The following ASTN2 variants were observed in gnomAD, a reference collection of about 807,000 sequenced individuals.
ASTN2 encodes the protein astrotactin-2.
ASTN2 carries 54 observed loss-of-function variants against 139.8 expected under a neutral mutation model. The ratio of observed to expected loss-of-function variants is 0.39; its 90% confidence interval spans 0.31 to 0.48. ASTN2 has a LOEUF of 0.48. ASTN2 is among the 20% of genes least tolerant of loss of function. The probability of loss-of-function intolerance (pLI) is 0.95; values close to 1 mark genes in which losing one functional copy is unlikely to be tolerated. For missense variants in ASTN2, 1,565 were observed against 1,725.1 expected, an observed-to-expected ratio of 0.91 and a Z score of 1.64; for synonymous variants, 756 against 719.5, an observed-to-expected ratio of 1.05 and a Z score of -0.81.
At chr9:117,074,700 AG>A (rs1324957373) in intron 5 of ASTN2, among the ~76,000 whole-genome samples, 1 of 152,226 alleles carries the variant, frequency 6.6e-6, no homozygotes, top group Non-Finnish European at 1.5e-5. Flanking sequence ...CAGGGTGCCA[AG>A]AACTATACTA....
intron 2 of ASTN2, among the ~76,000 whole-genome samples, chr9:117,267,317 A>C (rs1210492649): frequency 1.3e-5 from 2 of 152,170 alleles, no homozygotes; most frequent in African/African-American, 4.8e-5. Context: ...CTAGTACAGT[A>C]AAAGGGCATC....
chr9:117,059,389 G>A (rs925254220), intron 5 of ASTN2, among the ~76,000 whole-genome samples: 3 of 151,858 alleles, frequency 2.0e-5, no homozygotes, highest in South Asian at 2.1e-4. Context: ...CAAGGTGGGC[G>A]AATCACGAGG....
intron 1 of ASTN2, among the ~76,000 whole-genome samples, chr9:117,352,487 G>T (rs1241071613): frequency 1.3e-5 from 2 of 152,122 alleles, no homozygotes; most frequent in Non-Finnish European, 2.9e-5. Context: ...AGACCAGAAA[G>T]AATCCACAAT....
chr9:116,832,682 T>C (rs913598550), intron 11 of ASTN2, among the ~76,000 whole-genome samples: 10 of 152,152 alleles, frequency 6.6e-5, no homozygotes, highest in African/African-American at 2.4e-4. Context: ...TAGGGAACCA[T>C]TCTTGCATCA....
intron 4 of ASTN2, among the ~76,000 whole-genome samples, chr9:117,109,813 A>G (rs1330398842): frequency 1.3e-5 from 2 of 152,170 alleles, no homozygotes; most frequent in Non-Finnish European, 2.9e-5. Flanking sequence ...ACAATTTTGA[A>G]GCCTCAGCCT....
chr9:116,439,313 G>C (rs1033506939), intron 22 of ASTN2, among the ~76,000 whole-genome samples: 48 of 132,150 alleles, frequency 3.6e-4, no homozygotes, highest in Non-Finnish European at 4.4e-4. Context: ...CCATTCTCCT[G>C]CCTCAGCCTC....
At chr9:116,784,551 C>T (rs1428552940) in intron 13 of ASTN2, among the ~76,000 whole-genome samples, 1 of 152,194 alleles carries the variant, frequency 6.6e-6, no homozygotes, top group Non-Finnish European at 1.5e-5. Flanking sequence ...GGCATTCTCC[C>T]ATTCCCCTAT....
At chr9:117,008,416 C>T (rs561376395) in intron 6 of ASTN2, among the ~76,000 whole-genome samples, 157 bp from the exon 7 acceptor site, 2 of 152,262 alleles carry the variant, frequency 1.3e-5, no homozygotes, top group South Asian at 4.2e-4. Flanking sequence ...GTGTTGCAAG[C>T]CCATAGGGAG....
chr9:116,500,499 C>T (rs1007888754), intron 19 of ASTN2, among the ~76,000 whole-genome samples: 4 of 152,210 alleles, frequency 2.6e-5, no homozygotes, highest in East Asian at 1.9e-4. Flanking sequence ...ACAGCCACCC[C>T]CTGCAGTGGC....
intron 20 of ASTN2, among the ~76,000 whole-genome samples, chr9:116,476,230 C>G (rs757758742): frequency 6.6e-5 from 10 of 152,214 alleles, no homozygotes; most frequent in Non-Finnish European, 1.0e-4. Flanking sequence ...TTTGCTCTGT[C>G]TTCTCAGAGC....
At chr9:117,185,395 G>C (rs1039828729) in intron 3 of ASTN2, among the ~76,000 whole-genome samples, 2 of 141,834 alleles carry the variant, frequency 1.4e-5, no homozygotes, top group Non-Finnish European at 3.1e-5. Flanking sequence ...TACTATTCTG[G>C]ACAGGATATG....
chr9:116,629,224 TCTC>T (rs1176234917), intron 17 of ASTN2, among the ~76,000 whole-genome samples: 1 of 151,098 alleles, frequency 6.6e-6, no homozygotes, highest in African/African-American at 2.4e-5. Context: ...TTCACGCCAT[TCTC>T]CTGCCTCAGC....
intron 1 of ASTN2, among the ~76,000 whole-genome samples, chr9:117,362,215 A>G (rs1278311359): frequency 1.3e-5 from 2 of 152,134 alleles, no homozygotes; most frequent in Admixed American, 6.6e-5. Context: ...CTCAGGTGAT[A>G]TAACTACCTT....
At chr9:116,431,180 C>T (rs1235664777) in intron 22 of ASTN2, among the ~76,000 whole-genome samples, 1 of 152,182 alleles carries the variant, frequency 6.6e-6, no homozygotes, top group Non-Finnish European at 1.5e-5. Context: ...ATTTCCCAAT[C>T]AGCTGTTGAC....
chr9:116,947,315 G>A (rs1025379422), intron 10 of ASTN2, among the ~76,000 whole-genome samples: 7 of 152,072 alleles, frequency 4.6e-5, no homozygotes, highest in Admixed American at 3.3e-4. Flanking sequence ...GAATGTGAAC[G>A]TCTCACAGAG....
chr9:117,180,121 T>A (rs987657115), intron 3 of ASTN2, among the ~76,000 whole-genome samples: 1 of 152,202 alleles, frequency 6.6e-6, no homozygotes, highest in African/African-American at 2.4e-5. Flanking sequence ...AGAGTAGTCT[T>A]CCATTCTTGA....
chr9:117,091,367 T>A (rs1283703319), intron 5 of ASTN2, among the ~76,000 whole-genome samples: 3 of 152,170 alleles, frequency 2.0e-5, no homozygotes, highest in Non-Finnish European at 4.4e-5. Flanking sequence ...CAAATGACAA[T>A]GTGTCTATGC....
chr9:116,997,747 A>T (rs372052927), intron 7 of ASTN2, among the ~76,000 whole-genome samples: 6 of 152,222 alleles, frequency 3.9e-5, no homozygotes, highest in East Asian at 3.9e-4. Context: ...ACTACCTAGA[A>T]GTGTTATTAT....
At chr9:116,817,254 G>A (rs188452610) in intron 12 of ASTN2, among the ~76,000 whole-genome samples, 26 of 151,038 alleles carry the variant, frequency 1.7e-4, no homozygotes, top group African/African-American at 2.9e-4. Context: ...AGATCTCACC[G>A]CTACACTCCA....
Sources: allele counts gnomAD v4.1 joint callset (sites outside exome capture counted in the v4.1 genomes callset), GRCh38; gene constraint gnomAD v4.1.1; transcripts MANE v1.5; gene names NCBI Gene and HGNC (gene_info 2026-07-23, HGNC 2026-07-21).